PCCA: variants seen among roughly 807,000 people sequenced by gnomAD.
PCCA encodes the protein propionyl-CoA carboxylase alpha chain, mitochondrial.
A neutral mutation model predicts 101.3 loss-of-function variants in PCCA; 74 were observed. The ratio of observed to expected loss-of-function variants is 0.73; its 90% CI spans 0.61 to 0.89. The LOEUF is 0.89. Ranked by LOEUF, PCCA falls within the 40% of genes least tolerant of loss-of-function variation. The pLI is 0.00. For synonymous variants in PCCA, 294 were observed against 313.6 expected (o/e 0.94, Z 0.66); for missense variants, 891 against 907.0 (o/e 0.98, Z 0.23).
intron 12 of PCCA, among the ~76,000 whole-genome samples, chr13:100,275,915 A>G (rs987834666): frequency 5.5e-4 from 84 of 152,058 alleles, no homozygotes; most frequent in Admixed American, 2.5e-3. Context: ...CCCCGAGGCC[A>G]TTTCTCTTAT....
At chr13:100,380,290 A>T (rs571355103) in intron 19 of PCCA, among the ~76,000 whole-genome samples, 6 of 152,310 alleles carry the variant, frequency 3.9e-5, no homozygotes, top group African/African-American at 1.4e-4. Context: ...TAAGCCCAGG[A>T]GGTGGAGGTT....
intron 6 of PCCA, among the ~76,000 whole-genome samples, chr13:100,194,416 T>TTAA (rs943678230): frequency 2.6e-5 from 4 of 152,092 alleles, no homozygotes; most frequent in African/African-American, 9.7e-5. Context: ...TGTAAAATTA[T>TTAA]TATTATTATT....
At chr13:100,103,590 G>T (rs2047475861) in intron 2 of PCCA, among the ~76,000 whole-genome samples, 1 of 150,998 alleles carries the variant, frequency 6.6e-6, no homozygotes, top group Admixed American at 6.6e-5. Context: ...GGGATTTCAG[G>T]CATGAGCCAC....
intron 11 of PCCA, among the ~76,000 whole-genome samples, chr13:100,271,416 A>T (rs748284023): frequency 4.6e-5 from 7 of 152,032 alleles, no homozygotes; most frequent in Non-Finnish European, 7.4e-5. Flanking sequence ...CAACTTGAAT[A>T]TATTCAAGGC....
At chr13:100,517,611 T>C (rs115135482) in intron 22 of PCCA, among the ~76,000 whole-genome samples, 1,729 of 152,318 alleles carry the variant, frequency 0.011, 37 homozygotes, top group African/African-American at 0.039. Flanking sequence ...GCACGCGTAG[T>C]GAACAGGCTC....
chr13:100,377,651 C>T (rs372055643), intron 19 of PCCA, among the ~76,000 whole-genome samples: 8 of 151,984 alleles, frequency 5.3e-5, no homozygotes, highest in Non-Finnish European at 7.4e-5. Flanking sequence ...CCTGCCACCA[C>T]GCCCGGCTAA....
At chr13:100,315,195 T>C (rs561610349) in intron 16 of PCCA, among the ~76,000 whole-genome samples, 4 of 152,280 alleles carry the variant, frequency 2.6e-5, no homozygotes, top group Admixed American at 2.6e-4. Flanking sequence ...CTTACTATTT[T>C]TTTGAAATTT....
intron 23 of PCCA, 51 bp downstream of exon 23, chr13:100,527,803 G>A (rs545763935): frequency 2.5e-5 from 33 of 1,313,336 alleles, no homozygotes; most frequent in Admixed American, 1.5e-4. Context: ...ATGGAGGAAC[G>A]CCCACCTTTG....
At chr13:100,209,526 A>G in intron 7 of PCCA, 63 bp downstream of exon 7, 3 of 1,418,322 alleles carry the variant, frequency 2.1e-6, no homozygotes, top group South Asian at 1.2e-5. Flanking sequence ...TCAAAAGTAT[A>G]AGATAAAATG....
intron 12 of PCCA, among the ~76,000 whole-genome samples, chr13:100,277,190 TG>T (rs1733944558): frequency 6.6e-6 from 1 of 152,208 alleles, no homozygotes; most frequent in Non-Finnish European, 1.5e-5. Flanking sequence ...ATCTTGAGGT[TG>T]CATTCCTTTA....
intron 20 of PCCA, among the ~76,000 whole-genome samples, chr13:100,433,384 G>A (rs1289738690): frequency 6.6e-6 from 1 of 152,120 alleles, no homozygotes; most frequent in Non-Finnish European, 1.5e-5. Flanking sequence ...AGTAACTGAA[G>A]AAAAAGCATT....
chr13:100,241,916 G>T (rs1439808388), intron 8 of PCCA, among the ~76,000 whole-genome samples: 1 of 151,986 alleles, frequency 6.6e-6, no homozygotes, highest in Non-Finnish European at 1.5e-5. Context: ...GAAATTGCTG[G>T]GTTATATGGT....
chr13:100,498,681 CT>C (rs1189135883), intron 21 of PCCA, among the ~76,000 whole-genome samples: 1 of 152,182 alleles, frequency 6.6e-6, no homozygotes, highest in Non-Finnish European at 1.5e-5. Context: ...CCAGCAACCC[CT>C]AGCCTACTGT....
chr13:100,409,659 C>T (rs1365199752), intron 19 of PCCA, among the ~76,000 whole-genome samples: 1 of 152,156 alleles, frequency 6.6e-6, no homozygotes, highest in African/African-American at 2.4e-5. Flanking sequence ...TCCCACTGGT[C>T]CCTACCTCCA....
chr13:100,303,050 T>C (rs1347016084), intron 14 of PCCA, 52 bp downstream of exon 14: 11 of 1,001,606 alleles, frequency 1.1e-5, no homozygotes, highest in Non-Finnish European at 1.6e-5. Flanking sequence ...GTGATTTATG[T>C]CATACTTTTA....
intron 21 of PCCA, among the ~76,000 whole-genome samples, chr13:100,478,635 G>C (rs1189391335): frequency 6.6e-6 from 1 of 152,170 alleles, no homozygotes; most frequent in East Asian, 1.9e-4. Context: ...TGGTCAGGAG[G>C]GCTCGCCTGC....
intron 21 of PCCA, among the ~76,000 whole-genome samples, chr13:100,500,798 A>G (rs936994003): frequency 1.3e-5 from 2 of 152,256 alleles, no homozygotes; most frequent in Admixed American, 6.5e-5. Context: ...ACACTCCCCA[A>G]ATCTTGAGAC....
At position 100,102,916 on chromosome 13, in the gene PCCA, G is replaced by A; in HGVS notation, c.139G>A (p.Val47Met). ...GTACTATTCAAGACAGTGCTTAATG[G>A]TGTCCCGTAATCTTGGTTCAGTGGG... ...VLYYSRQCLMVSRNLGSVGYD... is the reference protein window; with the variant it reads ...VLYYSRQCLMMSRNLGSVGYD... The change falls in exon 2 of 24, where the codon GTG becomes ATG. Residue 47 changes from valine (V) to methionine (M), a missense_variant. Val to Met is a conservative substitution (Grantham distance 21). Transcript: ENST00000376285. 6.2e-7 allele frequency: 1 copy of A among 1,612,350 alleles called. No individual in the cohort carries two copies. The highest frequency in any genetic ancestry group is 8.5e-7 in the Non-Finnish European group (1 of 1,178,522).
At chr13:100,183,284 G>A (rs1359278926) in intron 6 of PCCA, among the ~76,000 whole-genome samples, 2 of 152,146 alleles carry the variant, frequency 1.3e-5, no homozygotes, top group African/African-American at 4.8e-5. Context: ...TATCATTAGC[G>A]TTACAAAGTA....
Sources: allele counts gnomAD v4.1 joint callset (sites outside exome capture counted in the v4.1 genomes callset), GRCh38; gene constraint gnomAD v4.1.1; transcripts MANE v1.5; gene names NCBI Gene and HGNC (gene_info 2026-07-23, HGNC 2026-07-21).